Variants in RPL18A observed in about 807,000 individuals in gnomAD.
The protein encoded by RPL18A is large ribosomal subunit protein eL20.
For synonymous variants in RPL18A, 122 were observed against 96.9 expected, an observed-to-expected ratio of 1.26 and a Z score of -1.52; for missense variants, 163 against 254.1, an observed-to-expected ratio of 0.64 and a Z score of 2.44.
At chr19:17,862,313 G>A in intron 3 of RPL18A, 90 bp downstream of exon 3, 1 of 1,488,610 alleles carries the variant, frequency 6.7e-7, no homozygotes, top group Non-Finnish European at 9.1e-7. Context: ...CCCAGTGCAG[G>A]AGAGTCTCAG....
chr19:17,862,307 G>A (rs1476498387), intron 3 of RPL18A, 84 bp downstream of exon 3: 1 of 1,507,768 alleles, frequency 6.6e-7, no homozygotes, highest in Non-Finnish European at 9.0e-7. Context: ...GAGGTTCCCA[G>A]TGCAGGAGAG....
chr19:17,861,780 C>T, intron 2 of RPL18A: 1 of 542,214 alleles, frequency 1.8e-6, no homozygotes, highest in South Asian at 2.4e-5. Flanking sequence ...TGATGGCTAT[C>T]TGGTCAGTGG....
At chr19:17,860,954 G>T in intron 1 of RPL18A, 1 of 305,324 alleles carries the variant, frequency 3.3e-6, no homozygotes, top group South Asian at 4.3e-5. Flanking sequence ...GTGGCTGTTT[G>T]ACGGCGACTG....
chr19:17,862,886 C>T, intron 3 of RPL18A, 32 bp from the exon 4 acceptor site: 1 of 1,478,296 alleles, frequency 6.8e-7, no homozygotes, highest in Non-Finnish European at 9.4e-7. Flanking sequence ...GCCCAGGCAA[C>T]ACCGTCACCC....
chr19:17,860,263 C>T (rs1342263831), intron 1 of RPL18A: 1 of 413,458 alleles, frequency 2.4e-6, no homozygotes, highest in Non-Finnish European at 4.3e-6. Flanking sequence ...AGCCCCGGCA[C>T]CTCGTCGAGC....
At position 17,861,453 on chromosome 19, in the gene RPL18A, A is replaced by G. The variant is rs1214978123; in HGVS notation, c.179A>G (p.Glu60Gly). The change falls in exon 2 of 5, where the codon GAG (glutamate) becomes GGG (glycine). Residue 60 changes from glutamate to glycine, a missense_variant. By Grantham distance (98) the Glu-to-Gly change is moderately conservative. Coordinates refer to ENST00000222247, the MANE Select transcript of RPL18A (RefSeq NM_000980.4). Reference sequence around the variant, plus strand: ...AAGAAGATGAAGAAGTCTTCAGGGGAGATTGTCTACTGTGGGCAGGTATGG... The same window carrying G: ...AAGAAGATGAAGAAGTCTTCAGGGGGGATTGTCTACTGTGGGCAGGTATGG... ...QLKKMKKSSGEIVYCGQVFEK... is the reference protein window; with the variant it reads ...QLKKMKKSSGGIVYCGQVFEK... The G allele has an allele frequency of 6.3e-7, 1 of 1,595,504 alleles. No individual in the cohort carries two copies.
chr19:17,862,663 G>T (rs772380274), intron 3 of RPL18A: 6 of 747,960 alleles, frequency 8.0e-6, no homozygotes, highest in Non-Finnish European at 9.8e-6. Flanking sequence ...AGCGGATCTT[G>T]TCGCCTTTGG....
At position 17,862,976 on chromosome 19, in the gene RPL18A, G is replaced by A. The variant is rs1404854595; in HGVS notation, c.387G>A (p.Val129=). The change falls in exon 4 of 5, where the codon GTG becomes GTA. Residue 129 remains valine, a synonymous_variant. Transcript: ENST00000222247. ...ARAHSIQIMK[V]EEIAASKCRR... is the part of the protein sequence containing the mutation. ...CCCACTCCATTCAGATCATGAAGGT[G>A]GAGGAGATCGCGGCCAGCAAGTGCC... 5 of 1,612,544 alleles carry A rather than the reference G, an allele frequency of 3.1e-6. No homozygotes were observed. Among genetic ancestry groups the A allele is most frequent in the East Asian group, 2.2e-5 (1 of 44,866 alleles).
At chr19:17,862,882 G>A in intron 3 of RPL18A, 36 bp from the exon 4 acceptor site, 2 of 1,443,938 alleles carry the variant, frequency 1.4e-6, no homozygotes, top group Non-Finnish European at 1.9e-6. Flanking sequence ...CAGAGCCCAG[G>A]CAACACCGTC....
At chr19:17,862,640 G>C in intron 3 of RPL18A, 2 of 734,320 alleles carry the variant, frequency 2.7e-6, no homozygotes, top group Non-Finnish European at 5.0e-6. Context: ...TTTAAACAGA[G>C]GTGCAAACAG....
At chr19:17,862,348 C>T (rs1437805431) in intron 3 of RPL18A, 125 bp downstream of exon 3, 11 of 1,199,276 alleles carry the variant, frequency 9.2e-6, no homozygotes, top group East Asian at 2.3e-5. Context: ...CACAGGAAGA[C>T]AAAAGGATGC....
At chr19:17,862,640 G>A in intron 3 of RPL18A, 1 of 734,320 alleles carries the variant, frequency 1.4e-6, no homozygotes, top group Non-Finnish European at 2.5e-6. Flanking sequence ...TTTAAACAGA[G>A]GTGCAAACAG....
chr19:17,859,974 G>C lies in RPL18A; in HGVS notation c.18G>C (p.Thr6=), dbSNP rs776897070. MKASG[T]LREYKVVGRC... is the part of the protein sequence containing the mutation. ...AGCACGCCATGAAGGCCTCGGGCACGGTAAGGCGGGCGCGGCGCGGCAGGG... is the reference window on the plus strand; with the variant it reads ...AGCACGCCATGAAGGCCTCGGGCACCGTAAGGCGGGCGCGGCGCGGCAGGG... Residue 6 remains threonine, a splice_region_variant and synonymous_variant, in exon 1 of 5, where the codon ACG becomes ACC. Transcript: ENST00000222247. The C allele has an allele frequency of 1.1e-5, 17 of 1,527,614 alleles. No individual in the cohort carries two copies. The highest frequency in any genetic ancestry group is 1.1e-4 in the South Asian group (9 of 81,944). The allele number at this position is 1,527,614 out of a possible 1,614,324, so 94.6% of individuals were successfully genotyped here. A position where few individuals can be genotyped will look rare whatever the true frequency, so the allele number is the denominator to read the frequency against.
In RPL18A at chr19:17,862,919, C is replaced by T; in HGVS notation, c.330C>T (p.Tyr110=). Residue 110 remains tyrosine (Y), a splice_region_variant and synonymous_variant, in exon 4 of 5, where the codon TAC becomes TAT. Transcript: ENST00000222247. Reference sequence around the variant, plus strand: ...CCCTGGCCCCGCTCCTTTCCACAGACCGAGACATGGGTGCCCGGCACCGCG... The same window carrying T: ...CCCTGGCCCCGCTCCTTTCCACAGATCGAGACATGGGTGCCCGGCACCGCG... ...LTTAGAVTQC[Y]RDMGARHRAR... 6.2e-7 allele frequency: 1 copy of T among 1,609,720 alleles called. No individual in the cohort carries two copies. Among genetic ancestry groups the T allele is most frequent in the Non-Finnish European group, 8.5e-7 (1 of 1,177,328 alleles).
chr19:17,862,500 A>G, intron 3 of RPL18A: 1 of 686,324 alleles, frequency 1.5e-6, no homozygotes, highest in Non-Finnish European at 2.7e-6. Context: ...CCCACTGAGA[A>G]CCGAATTGAA....
intron 3 of RPL18A, chr19:17,862,582 T>C: frequency 1.4e-6 from 1 of 701,602 alleles, no homozygotes; most frequent in Non-Finnish European, 2.6e-6. Flanking sequence ...CCCCCACACC[T>C]CCCTGATTGC....
intron 1 of RPL18A, chr19:17,861,017 C>T (rs2094276311): frequency 4.1e-6 from 2 of 485,128 alleles, no homozygotes; most frequent in South Asian, 2.8e-5. Context: ...GTCTAAGCCA[C>T]AGCTTTCCTG....
rs1006746995 is a variant in RPL18A at position 17,862,626 on chromosome 19, G to A, written c.329-292G>A. On this transcript the variant is annotated intron_variant, in intron 3 of 4. Transcript: ENST00000222247. ...CCAAGAATCACTGTTTCTTATAGCGGTGGTTTAAACAGAGGTGCAAACAGC... is the reference window on the plus strand; with the variant it reads ...CCAAGAATCACTGTTTCTTATAGCGATGGTTTAAACAGAGGTGCAAACAGC... The A allele has an allele frequency of 6.9e-6, 5 of 722,580 alleles. No homozygotes were observed. The East Asian group carries it at 1.4e-4, about 20-fold the overall frequency. 44.8% of individuals were successfully genotyped at this position (722,580 alleles called of 1,614,324 possible). A position where few individuals can be genotyped will look rare whatever the true frequency, so the allele number is the denominator to read the frequency against.
At position 17,862,234 on chromosome 19, in the gene RPL18A, T is replaced by A; in HGVS notation, c.328+11T>A. ...CTGTCACCCAGTGCTGTAAGCTGCC[T>A]GTCCCGCCTCCAGCTTTTTAGACCC... On this transcript the variant is annotated intron_variant, in intron 3 of 4. Coordinates refer to ENST00000222247, the MANE Select transcript of RPL18A (RefSeq NM_000980.4). 6.2e-7 allele frequency: 1 copy of A among 1,612,526 alleles called. No homozygotes were observed. The highest frequency in any genetic ancestry group is 8.5e-7 in the Non-Finnish European group (1 of 1,179,870).
Sources: gnomAD v4.1 joint callset for allele counts on GRCh38, gnomAD v4.1.1 for gene constraint, MANE v1.5 for transcripts, NCBI Gene and HGNC (gene_info 2026-07-23, HGNC 2026-07-21) for gene names.